The following PDGFC variants were observed in gnomAD, a reference collection of about 807,000 sequenced individuals.
PDGFC encodes platelet-derived growth factor C.
A neutral mutation model predicts 35.5 loss-of-function variants in PDGFC; 12 were observed. That is an observed-to-expected ratio of 0.34 (90% CI 0.22 to 0.55). The LOEUF (loss-of-function observed/expected upper bound fraction) is 0.55, where lower values mean the gene tolerates loss of function less well. PDGFC is among the 20% of genes least tolerant of loss of function. The pLI is 0.91. For synonymous variants in PDGFC, 159 were observed against 148.8 expected, an observed-to-expected ratio of 1.07 and a Z score of -0.50; for missense variants, 322 against 412.4, an observed-to-expected ratio of 0.78 and a Z score of 1.90.
In PDGFC at chr4:156,822,340, C is replaced by T. The variant is rs192545617; in HGVS notation, c.315-11323G>A. Among the ~76,000 whole-genome samples the T allele has an allele frequency of 1.7e-3, 197 of 115,254 alleles. 1 individual carries two copies. The highest frequency in any genetic ancestry group is 2.4e-3 in the Admixed American group (20 of 8,360). The allele number at this position is 115,254 out of a possible 152,430, so 75.6% of individuals were successfully genotyped here. A position where few individuals can be genotyped will look rare whatever the true frequency, so the allele number is the denominator to read the frequency against. ...CGCCACTGCACTCCAGCCTGGGAGACGGAGTGAAACTGTCTCAAAAAAAAA... is the reference window on the plus strand; with the variant it reads ...CGCCACTGCACTCCAGCCTGGGAGATGGAGTGAAACTGTCTCAAAAAAAAA... On this transcript the variant is annotated intron_variant, in intron 2 of 5. Coordinates refer to ENST00000502773, the MANE Select transcript of PDGFC (RefSeq NM_016205.3).
At position 156,772,864 on chromosome 4, in the gene PDGFC, C is replaced by T; in HGVS notation, c.525G>A (p.Val175=). The stretch of plus-strand genomic sequence containing the variant: ...CCAGTGGCAAAGCTGAAGGGGGTAG[C>T]ACTGAAGGACTCACAGCTTCTGTGA... ...PQFTEAVSPS[V]LPPSALPLDL... Residue 175 remains valine, a synonymous_variant, in exon 4 of 6, where the codon GTG becomes GTA. Transcript: ENST00000502773. 6.2e-7 allele frequency: 1 copy of T among 1,612,878 alleles called. No individual in the cohort carries two copies. The highest frequency in any genetic ancestry group is 8.5e-7 in the Non-Finnish European group (1 of 1,179,002).
intron 1 of PDGFC, among the ~76,000 whole-genome samples, chr4:156,925,942 C>T (rs553855881): frequency 6.7e-6 from 1 of 149,072 alleles, no homozygotes; most frequent in East Asian, 2.0e-4. Flanking sequence ...ATCCCAGCTA[C>T]TCAGTAGGTT....
At chr4:156,858,388 G>C (rs182620457) in intron 1 of PDGFC, among the ~76,000 whole-genome samples, 1 of 152,038 alleles carries the variant, frequency 6.6e-6, no homozygotes, top group African/African-American at 2.4e-5. Flanking sequence ...AGGATAAATG[G>C]CCAAGTATAT....
At chr4:156,949,809 C>A (rs76695187) in intron 1 of PDGFC, among the ~76,000 whole-genome samples, 1 of 151,918 alleles carries the variant, frequency 6.6e-6, no homozygotes, top group Non-Finnish European at 1.5e-5. Flanking sequence ...TTCCCCTTCC[C>A]CTACGTCCCC....
intron 2 of PDGFC, 142 bp downstream of exon 2, chr4:156,850,079 G>A (rs1227480891): frequency 2.1e-6 from 1 of 480,896 alleles, no homozygotes; most frequent in African/African-American, 2.0e-5. Flanking sequence ...ATAAAACATA[G>A]CTTCAATAAG....
intron 1 of PDGFC, among the ~76,000 whole-genome samples, chr4:156,963,605 T>G (rs759311011): frequency 1.1e-3 from 168 of 152,166 alleles, no homozygotes; most frequent in Admixed American, 2.9e-3. Context: ...GCAAAGATAG[T>G]CTGGTGTGGA....
intron 1 of PDGFC, among the ~76,000 whole-genome samples, chr4:156,914,374 A>G (rs1266232317): frequency 6.6e-6 from 1 of 152,122 alleles, no homozygotes; most frequent in Non-Finnish European, 1.5e-5. Context: ...TACTGCCTAT[A>G]TAGCCTTCTG....
intron 2 of PDGFC, among the ~76,000 whole-genome samples, chr4:156,839,479 T>C (rs985051848): frequency 2.6e-5 from 4 of 152,212 alleles, no homozygotes; most frequent in African/African-American, 9.6e-5. Context: ...TGTGAGCCAA[T>C]TAAACTTCTT....
chr4:156,854,707 A>G (rs1349649810), intron 1 of PDGFC, among the ~76,000 whole-genome samples: 1 of 152,156 alleles, frequency 6.6e-6, no homozygotes, highest in Non-Finnish European at 1.5e-5. Context: ...ATTTTTTTGA[A>G]CATATAACTT....
intron 2 of PDGFC, among the ~76,000 whole-genome samples, chr4:156,813,078 T>G (rs1731984204): frequency 6.6e-6 from 1 of 152,046 alleles, no homozygotes; most frequent in Non-Finnish European, 1.5e-5. Context: ...GCAGTGTATG[T>G]GTGTGGTTCG....
chr4:156,907,995 C>T (rs964201559), intron 1 of PDGFC, among the ~76,000 whole-genome samples: 1 of 151,986 alleles, frequency 6.6e-6, no homozygotes, highest in Non-Finnish European at 1.5e-5. Context: ...GGTGAAACCC[C>T]GTCTCTACTA....
intron 1 of PDGFC, among the ~76,000 whole-genome samples, chr4:156,927,639 A>G (rs745373154): frequency 3.3e-5 from 5 of 152,076 alleles, no homozygotes; most frequent in Non-Finnish European, 5.9e-5. Context: ...CAAGTTCCTC[A>G]TCTCCATCTG....
At chr4:156,791,394 A>G (rs1731296882) in intron 3 of PDGFC, among the ~76,000 whole-genome samples, 1 of 152,204 alleles carries the variant, frequency 6.6e-6, no homozygotes, top group Admixed American at 6.5e-5. Flanking sequence ...GTGGAAACTC[A>G]GAAATGATTA....
chr4:156,822,389 T>C (rs1163941321), intron 2 of PDGFC, among the ~76,000 whole-genome samples: 1 of 133,444 alleles, frequency 7.5e-6, no homozygotes, highest in Admixed American at 7.5e-5. Context: ...TGCATAGTAA[T>C]AAATTTAACC....
intron 3 of PDGFC, among the ~76,000 whole-genome samples, chr4:156,800,838 C>G (rs1731584689): frequency 6.6e-6 from 1 of 152,156 alleles, no homozygotes; most frequent in Admixed American, 6.5e-5. Context: ...CCAAACTGCC[C>G]TTAGTCATTC....
intron 1 of PDGFC, among the ~76,000 whole-genome samples, chr4:156,861,065 T>C (rs1330760599): frequency 6.6e-6 from 1 of 152,126 alleles, no homozygotes; most frequent in Admixed American, 6.6e-5. Flanking sequence ...ATGATGGTAA[T>C]AAAAATAATT....
intron 1 of PDGFC, among the ~76,000 whole-genome samples, chr4:156,906,628 C>CTT (rs1730921353): frequency 6.6e-6 from 1 of 152,034 alleles, no homozygotes; most frequent in East Asian, 1.9e-4. Flanking sequence ...TTTTAAAAAT[C>CTT]TTGAGCACGG....
At chr4:156,964,197 G>A (rs1218966825) in intron 1 of PDGFC, among the ~76,000 whole-genome samples, 1 of 151,580 alleles carries the variant, frequency 6.6e-6, no homozygotes, top group African/African-American at 2.4e-5. Context: ...AAGTTTCCTT[G>A]TGGAACCAAG....
chr4:156,879,208 G>A (rs535065760), intron 1 of PDGFC, among the ~76,000 whole-genome samples: 1 of 152,112 alleles, frequency 6.6e-6, no homozygotes. Flanking sequence ...CAATCCTCCT[G>A]TAGAAATCAC....
Sources: gnomAD v4.1 joint callset for allele counts (sites outside exome capture counted in the v4.1 genomes callset) on GRCh38, gnomAD v4.1.1 for gene constraint, MANE v1.5 for transcripts, NCBI Gene and HGNC (gene_info 2026-07-23, HGNC 2026-07-21) for gene names.